EPB41L3: variants seen among roughly 807,000 people sequenced by gnomAD.
The protein encoded by EPB41L3 is erythrocyte membrane protein band 4.1 like 3, also known as band 4.1-like protein 3.
Under a neutral mutation model 127.1 loss-of-function variants are expected in EPB41L3, and 57 were observed. The ratio of observed to expected loss-of-function variants is 0.45; its 90% CI spans 0.36 to 0.56. The LOEUF (loss-of-function observed/expected upper bound fraction) is 0.56, where lower values mean the gene tolerates loss of function less well. Ranked by LOEUF, EPB41L3 falls within the 20% of genes least tolerant of loss-of-function variation. EPB41L3 has a pLI of 0.00. For missense variants in EPB41L3, 1,273 were observed against 1,372.2 expected, an observed-to-expected ratio of 0.93 and a Z score of 1.14; for synonymous variants, 572 against 549.5, an observed-to-expected ratio of 1.04 and a Z score of -0.57.
In EPB41L3 at chr18:5,526,351, C is replaced by T. The variant is rs142472779; in HGVS notation, c.-12+17562G>A. On this transcript the variant is annotated intron_variant, in intron 1 of 22. Coordinates refer to ENST00000341928, the MANE Select transcript of EPB41L3 (RefSeq NM_012307.5). ...GGGTCCAGATGTCCCCACACCTTCA[C>T]TTATTAGAAAATATCTAAGTTGACA... Among the ~76,000 whole-genome samples, 531 of 152,326 alleles carry T rather than the reference C, an allele frequency of 3.5e-3. 1 individual carries two copies. Among genetic ancestry groups the T allele is most frequent in the African/African-American group, 0.012 (508 of 41,570 alleles).
chr18:5,443,941 AT>A, intron 4 of EPB41L3, 61 bp from the exon 5 acceptor site: 2 of 1,424,274 alleles, frequency 1.4e-6, no homozygotes, highest in Non-Finnish European at 9.8e-7. Flanking sequence ...CTTAATGTTG[AT>A]TAGGTACAGA....
chr18:5,628,223 T>C (rs542958631), intron 1 of EPB41L3, among the ~76,000 whole-genome samples: 1 of 152,394 alleles, frequency 6.6e-6, no homozygotes, highest in Non-Finnish European at 1.5e-5. Context: ...TCTACCGGGT[T>C]AGAATCTGTT....
chr18:5,486,182 A>C (rs2089716347), intron 2 of EPB41L3, among the ~76,000 whole-genome samples: 2 of 152,044 alleles, frequency 1.3e-5, no homozygotes, highest in Non-Finnish European at 2.9e-5. Flanking sequence ...CCAGATATAA[A>C]TCCTCACATA....
In EPB41L3 at chr18:5,420,111, C is replaced by T. The variant is rs1568083164; in HGVS notation, c.1340-234G>A. 7 of 752,284 alleles carry T rather than the reference C, an allele frequency of 9.3e-6. No individual in the cohort carries two copies. The East Asian group carries it at 1.7e-4, about 18-fold the overall frequency. 46.6% of individuals were successfully genotyped at this position (752,284 alleles called of 1,614,324 possible). ...TGAGAGCATGACCTTCCTGTATTTC[C>T]TATATGAGTGCTTTAAAATTCGTGA... is the stretch of plus-strand genomic sequence containing the variant. On this transcript the variant is annotated intron_variant, in intron 11 of 22. Coordinates refer to ENST00000341928, the MANE Select transcript of EPB41L3 (RefSeq NM_012307.5).
At chr18:5,396,973 G>A in intron 18 of EPB41L3, 85 bp downstream of exon 18, 2 of 1,405,388 alleles carry the variant, frequency 1.4e-6, no homozygotes, top group Non-Finnish European at 1.9e-6. Context: ...ATTAAACTTA[G>A]CTCCACCTTT....
upstream of EPB41L3, among the ~76,000 whole-genome samples, chr18:5,548,398 A>G (rs528430126): frequency 1.3e-5 from 2 of 152,344 alleles, no homozygotes; most frequent in South Asian, 4.1e-4. Flanking sequence ...GCAAAACGAA[A>G]TAAAGTATTG....
At position 5,443,849 on chromosome 18, in the gene EPB41L3, T is replaced by G. The variant is rs1568201977; in HGVS notation, c.518A>C (p.Lys173Thr). ...CCAAAAGAACTTACTTCGAACCTGT[T>G]TTTTTATTTCCTTAGCAGGGTCCAA... ...NWLDPAKEIK[K>T]QVRSGAWHFS... Residue 173 changes from lysine (K) to threonine (T), a missense_variant, in exon 5 of 23, where the codon AAA becomes ACA. Around this residue, in one of 3 missense-constraint regions of EPB41L3, gnomAD observed 326 missense variants for 440.2 expected, o/e 0.74. Transcript: ENST00000341928. 6.2e-7 allele frequency: 1 copy of G among 1,609,862 alleles called. No individual in the cohort carries two copies. The highest frequency in any genetic ancestry group is 8.5e-7 in the Non-Finnish European group (1 of 1,178,624).
chr18:5,623,689 C>A (rs1599387334), intron 1 of EPB41L3, among the ~76,000 whole-genome samples: 1 of 151,902 alleles, frequency 6.6e-6, no homozygotes, highest in East Asian at 1.9e-4. Flanking sequence ...ACTCTGCCAC[C>A]CAGGCTGGAC....
At chr18:5,601,095 TC>T (rs2094586110) in intron 3 of EPB41L3, among the ~76,000 whole-genome samples, 1 of 152,176 alleles carries the variant, frequency 6.6e-6, no homozygotes, top group African/African-American at 2.4e-5. Context: ...CTCTTTGCTT[TC>T]CATGATTCAG....
At chr18:5,404,538 T>G (rs990796678) in intron 16 of EPB41L3, among the ~76,000 whole-genome samples, 3 of 152,214 alleles carry the variant, frequency 2.0e-5, no homozygotes, top group African/African-American at 7.2e-5. Flanking sequence ...GAAAGTTCAG[T>G]ATATTCAAAG....
intron 13 of EPB41L3, among the ~76,000 whole-genome samples, chr18:5,412,964 T>C (rs2144542217): frequency 6.6e-6 from 1 of 152,266 alleles, no homozygotes; most frequent in Admixed American, 6.5e-5. Flanking sequence ...CATATAAAAT[T>C]TCTTGAATTC....
Position 5,489,073 on chromosome 18 carries a change from G to T in EPB41L3, c.111C>A (p.Pro37=). 6.3e-7 allele frequency: 1 copy of T among 1,594,332 alleles called. No individual in the cohort carries two copies. The change falls in exon 2 of 23, where the codon CCC becomes CCA. Residue 37 remains proline (P), a synonymous_variant. Coordinates refer to ENST00000341928, the MANE Select transcript of EPB41L3 (RefSeq NM_012307.5). The stretch of plus-strand genomic sequence containing the variant: ...CCAGGGCCTGCTGCTGCTCCTCCTT[G>T]GGCGGCTCCGGCACGGGCGCCCCCG... ...GRAGAPVPEP[P]KEEQQQALEQ... is the part of the protein sequence containing the mutation.
rs187762164 is a variant in EPB41L3, at chr18:5,396,072, T to C, written c.2973+129A>G. On this transcript the variant is annotated intron_variant, in intron 19 of 22. Transcript: ENST00000341928. ...ATGACCATTATTGCATCACTTTTAA[T>C]AGAAATGGTCTGGCTGCTGGATCCT... 56 of 1,158,210 alleles carry C rather than the reference T, an allele frequency of 4.8e-5. No homozygotes were observed. In the East Asian group the frequency reaches 1.2e-3, roughly 24 times the overall value. The allele number at this position is 1,158,210 out of a possible 1,614,324, so 71.7% of individuals were successfully genotyped here.
At chr18:5,450,165 T>C (rs913556283) in intron 3 of EPB41L3, among the ~76,000 whole-genome samples, 1 of 151,770 alleles carries the variant, frequency 6.6e-6, no homozygotes, top group Non-Finnish European at 1.5e-5. Context: ...AGACCAATGG[T>C]TGCTAAGGGT....
intron 3 of EPB41L3, among the ~76,000 whole-genome samples, chr18:5,593,893 C>T (rs1025495129): frequency 1.4e-4 from 22 of 152,202 alleles, no homozygotes; most frequent in Non-Finnish European, 2.8e-4. Context: ...GGCTCACCGG[C>T]GGTCAGAGTT....
intron 3 of EPB41L3, among the ~76,000 whole-genome samples, chr18:5,577,000 T>C (rs1316330060): frequency 6.6e-6 from 1 of 151,896 alleles, no homozygotes; most frequent in Non-Finnish European, 1.5e-5. Flanking sequence ...GACGAATTGG[T>C]CAGGCTGGCA....
intron 9 of EPB41L3, among the ~76,000 whole-genome samples, chr18:5,427,685 C>T (rs1178182852): frequency 3.9e-5 from 6 of 152,084 alleles, no homozygotes; most frequent in Admixed American, 3.3e-4. Flanking sequence ...ATAACAACAG[C>T]ATGTGGAGGA....
intron 3 of EPB41L3, among the ~76,000 whole-genome samples, chr18:5,572,749 A>T (rs1719987): frequency 0.95 from 144,073 of 152,046 alleles, 68,735 homozygotes; most frequent in Middle Eastern, 1. Flanking sequence ...AATTTTTTAA[A>T]ATTTTGTAAA....
At chr18:5,574,867 G>A (rs2094322082) in intron 3 of EPB41L3, among the ~76,000 whole-genome samples, 1 of 152,060 alleles carries the variant, frequency 6.6e-6, no homozygotes, top group Non-Finnish European at 1.5e-5. Flanking sequence ...AATAGAACTT[G>A]GCTGTGAGTA....
Sources: gnomAD v4.1 joint callset for allele counts (sites outside exome capture counted in the v4.1 genomes callset) on GRCh38, gnomAD v4.1.1 for gene constraint, gnomAD v4.1.1 regional missense constraint, MANE v1.5 for transcripts, NCBI Gene and HGNC (gene_info 2026-07-23, HGNC 2026-07-21) for gene names.